AGBL1: variants seen among roughly 807,000 people sequenced by gnomAD.
AGBL1 encodes cytosolic carboxypeptidase 4.
A neutral mutation model predicts 118.9 loss-of-function variants in AGBL1; 130 were observed. The ratio of observed to expected loss-of-function variants is 1.09; its 90% CI spans 0.95 to 1.26. The LOEUF (loss-of-function observed/expected upper bound fraction) is 1.26. Among genes scored for constraint, AGBL1 ranks in the 50% most tolerant of loss-of-function variants. The pLI is 0.00. For missense variants in AGBL1, 1,584 were observed against 1,298.1 expected, an observed-to-expected ratio of 1.22 and a Z score of -3.38; for synonymous variants, 555 against 478.9, an observed-to-expected ratio of 1.16 and a Z score of -2.08.
At chr15:86,551,942 T>C (rs540065948) in intron 20 of AGBL1, among the ~76,000 whole-genome samples, 39 of 151,972 alleles carry the variant, frequency 2.6e-4, no homozygotes, top group Non-Finnish European at 5.3e-4. Context: ...AGCAAAACCA[T>C]GGAGACTAAA....
chr15:87,028,924 C>T, exon 25 of AGBL1: 1 of 1,448,230 alleles, frequency 6.9e-7, no homozygotes, highest in Non-Finnish European at 9.7e-7. Flanking sequence ...TATCTGAAAC[C>T]TTCAAGATGT....
At chr15:86,978,526 G>T (rs2081197663) in intron 23 of AGBL1, among the ~76,000 whole-genome samples, 1 of 152,188 alleles carries the variant, frequency 6.6e-6, no homozygotes, top group African/African-American at 2.4e-5. Flanking sequence ...GGTAAAACAA[G>T]TAGTGCTCCT....
chr15:86,916,207 A>G (rs1440093888), downstream of AGBL1: 1 of 152,234 alleles, frequency 6.6e-6, no homozygotes. Context: ...CTGGTTTGGT[A>G]TATTCCCAGT....
intron 21 of AGBL1, among the ~76,000 whole-genome samples, chr15:86,608,199 A>T (rs1412262873): frequency 6.6e-6 from 1 of 152,184 alleles, no homozygotes; most frequent in Non-Finnish European, 1.5e-5. Flanking sequence ...CCTGCAGTTC[A>T]GGTGTTTCTG....
At position 86,907,714 on chromosome 15, in the gene AGBL1, T is replaced by G. The variant is rs983529360; in HGVS notation, c.*420T>G. 16 of 152,300 alleles carry G rather than the reference T, an allele frequency of 1.1e-4. No individual in the cohort carries two copies. The East Asian group carries it at 2.5e-3, about 24-fold the overall frequency. The allele number at this position is 152,300 out of a possible 1,614,324, so 9.4% of individuals were successfully genotyped here. On this transcript the variant is annotated 3_prime_UTR_variant, in exon 23 of 23. Transcript: ENST00000614907. ...TTATTTAAGTTGTTCCATATACAAG[T>G]GTTATCTTCCAATGTTATCTCCCCA... is the stretch of plus-strand genomic sequence containing the variant.
At chr15:86,186,943 C>A (rs2077642323) in intron 5 of AGBL1, among the ~76,000 whole-genome samples, 1 of 152,202 alleles carries the variant, frequency 6.6e-6, no homozygotes, top group African/African-American at 2.4e-5. Context: ...ATACAACACA[C>A]ACTGGTTTTT....
chr15:86,235,048 TACTTA>T (rs2078517513), intron 6 of AGBL1, among the ~76,000 whole-genome samples: 1 of 152,218 alleles, frequency 6.6e-6, no homozygotes, highest in South Asian at 2.1e-4. Flanking sequence ...CTGTCACAGC[TACTTA>T]ACTCTTCCCT....
chr15:86,395,393 A>G (rs530053220), intron 17 of AGBL1, among the ~76,000 whole-genome samples: 1 of 152,168 alleles, frequency 6.6e-6, no homozygotes, highest in East Asian at 1.9e-4. Flanking sequence ...TCCAATGTGA[A>G]TACCATCACA....
At chr15:86,535,580 A>G (rs1287327517) in intron 19 of AGBL1, among the ~76,000 whole-genome samples, 1 of 152,172 alleles carries the variant, frequency 6.6e-6, no homozygotes, top group Non-Finnish European at 1.5e-5. Context: ...CTCTTTGAAG[A>G]GCGCATCAAT....
At chr15:87,016,300 T>A (rs192558599) in intron 24 of AGBL1, among the ~76,000 whole-genome samples, 8 of 152,158 alleles carry the variant, frequency 5.3e-5, no homozygotes, top group African/African-American at 1.9e-4. Flanking sequence ...TTGTTCTGAC[T>A]GCTATAATAG....
At chr15:86,681,983 C>G (rs1010441084) in intron 22 of AGBL1, among the ~76,000 whole-genome samples, 11 of 152,194 alleles carry the variant, frequency 7.2e-5, no homozygotes, top group African/African-American at 2.4e-4. Context: ...GTAGAATCTT[C>G]AGTTTCAAGT....
At chr15:86,587,641 G>A (rs1465222144) in intron 21 of AGBL1, among the ~76,000 whole-genome samples, 1 of 152,202 alleles carries the variant, frequency 6.6e-6, no homozygotes, top group African/African-American at 2.4e-5. Context: ...TTAGAGCAGT[G>A]AGGGTGTGTA....
At chr15:86,952,576 G>A (rs1335406169) in intron 23 of AGBL1, among the ~76,000 whole-genome samples, 1 of 152,022 alleles carries the variant, frequency 6.6e-6, no homozygotes, top group African/African-American at 2.4e-5. Context: ...ATAGATTCTG[G>A]ATGTTCGAAC....
intron 5 of AGBL1, among the ~76,000 whole-genome samples, chr15:86,199,384 T>C (rs1035740013): frequency 6.6e-6 from 1 of 152,214 alleles, no homozygotes; most frequent in Non-Finnish European, 1.5e-5. Context: ...CTGTGTCTGT[T>C]TGTTGCCTTA....
intron 6 of AGBL1, among the ~76,000 whole-genome samples, chr15:86,246,058 A>AT (rs1193970368): frequency 6.6e-6 from 1 of 151,696 alleles, no homozygotes; most frequent in African/African-American, 2.4e-5. Context: ...GCTTATTTTT[A>AT]TTTTTTGTGG....
At chr15:86,633,784 GTATATATATATAA>G (rs1228038857) in intron 21 of AGBL1, among the ~76,000 whole-genome samples, 4 of 107,494 alleles carry the variant, frequency 3.7e-5, no homozygotes, top group Admixed American at 8.5e-5. Context: ...TTATGTGTGT[GTATATATATATAA>G]TGTATATATA....
chr15:86,287,643 A>G (rs1490655292), intron 16 of AGBL1, among the ~76,000 whole-genome samples: 2 of 152,124 alleles, frequency 1.3e-5, no homozygotes, highest in African/African-American at 2.4e-5. Context: ...TCAAAAATCA[A>G]TTGACTATAG....
intron 21 of AGBL1, among the ~76,000 whole-genome samples, chr15:86,628,046 CT>C (rs2084913989): frequency 1.3e-5 from 2 of 152,230 alleles, no homozygotes; most frequent in Non-Finnish European, 1.5e-5. Context: ...CCTTCTGAGT[CT>C]TGCAGGTGTC....
At chr15:86,731,929 T>C (rs1408764121) in intron 22 of AGBL1, among the ~76,000 whole-genome samples, 1 of 152,232 alleles carries the variant, frequency 6.6e-6, no homozygotes, top group Non-Finnish European at 1.5e-5. Flanking sequence ...GACCATCTTC[T>C]TCTTTCTGCA....
Sources: gnomAD v4.1 joint callset for allele counts (sites outside exome capture counted in the v4.1 genomes callset) on GRCh38, gnomAD v4.1.1 for gene constraint, MANE v1.5 for transcripts, NCBI Gene and HGNC (gene_info 2026-07-23, HGNC 2026-07-21) for gene names.